The following ADAMTSL1 variants were observed in gnomAD, a reference collection of about 807,000 sequenced individuals.
ADAMTSL1 encodes the protein ADAMTS like 1, also known as ADAMTS-like protein 1.
Under a neutral mutation model 201.8 loss-of-function variants are expected in ADAMTSL1, and 126 were observed. That is an observed-to-expected ratio of 0.62 (90% CI 0.54 to 0.72). ADAMTSL1 has a LOEUF of 0.72. Ranked by LOEUF, ADAMTSL1 falls within the 30% of genes least tolerant of loss-of-function variation. The pLI is 0.00. For synonymous variants in ADAMTSL1, 1,121 were observed against 903.4 expected, an observed-to-expected ratio of 1.24 and a Z score of -4.32; for missense variants, 2,679 against 2,277.8, an observed-to-expected ratio of 1.18 and a Z score of -3.59.
chr9:18,875,016 T>C (rs1345286587), intron 23 of ADAMTSL1, among the ~76,000 whole-genome samples: 1 of 152,166 alleles, frequency 6.6e-6, no homozygotes, highest in African/African-American at 2.4e-5. Flanking sequence ...TTCCAGGAAT[T>C]TATCCATCAC....
At chr9:18,482,734 T>G (rs1821791466) in intron 1 of ADAMTSL1, among the ~76,000 whole-genome samples, 1 of 152,220 alleles carries the variant, frequency 6.6e-6, no homozygotes, top group South Asian at 2.1e-4. Flanking sequence ...GAAGTCTGTA[T>G]GAGTATTGTT....
At chr9:18,485,330 T>C (rs1587347059) in intron 1 of ADAMTSL1, among the ~76,000 whole-genome samples, 1 of 152,232 alleles carries the variant, frequency 6.6e-6, no homozygotes, top group Admixed American at 6.5e-5. Flanking sequence ...TTTAGCCTTA[T>C]GGAAAGCTAA....
chr9:18,549,964 A>G (rs1473418274), intron 3 of ADAMTSL1, among the ~76,000 whole-genome samples: 1 of 151,978 alleles, frequency 6.6e-6, no homozygotes, highest in Non-Finnish European at 1.5e-5. Flanking sequence ...ATGCACATTA[A>G]AGGCTGAGAA....
rs374540856 is a variant in ADAMTSL1 at position 18,775,918 on chromosome 9, G to A, written c.2551+22G>A. 7.0e-6 allele frequency: 11 copies of A among 1,574,836 alleles called. No homozygotes were observed. The African/African-American group carries it at 1.4e-4, about 19-fold the overall frequency. On this transcript the variant is annotated intron_variant, in intron 18 of 28. Transcript: ENST00000380548. ...GCAAGTAAGTATGTCAGGGCTCTGG[G>A]AATGGGGAGATGAAACCCACACAGC...
intron 23 of ADAMTSL1, among the ~76,000 whole-genome samples, chr9:18,855,257 G>C (rs1193425982): frequency 6.6e-6 from 1 of 152,202 alleles, no homozygotes; most frequent in Non-Finnish European, 1.5e-5. Context: ...GAACACACTG[G>C]TATAGTTGGA....
chr9:18,887,767 C>A, intron 23 of ADAMTSL1, 64 bp from the exon 24 acceptor site: 1 of 1,419,200 alleles, frequency 7.0e-7, no homozygotes, highest in South Asian at 1.2e-5. Flanking sequence ...GACAGTAAAC[C>A]AGTGCACCAG....
chr9:18,350,122 G>A (rs920491533), intron 2 of ADAMTSL1, among the ~76,000 whole-genome samples: 19 of 151,878 alleles, frequency 1.3e-4, no homozygotes, highest in African/African-American at 4.6e-4. Flanking sequence ...GTGGCAAATG[G>A]CCCAGCACAC....
intron 2 of ADAMTSL1, among the ~76,000 whole-genome samples, chr9:18,339,092 A>C (rs1310354189): frequency 6.6e-6 from 1 of 151,772 alleles, no homozygotes; most frequent in African/African-American, 2.4e-5. Flanking sequence ...ATACTCATGC[A>C]CGTGTCTTTA....
chr9:17,914,204 C>A (rs915008306), intron 1 of ADAMTSL1, among the ~76,000 whole-genome samples: 1 of 152,074 alleles, frequency 6.6e-6, no homozygotes. Flanking sequence ...CAAAGCCTGG[C>A]GGAGACACAA....
At position 18,387,359 on chromosome 9, in the gene ADAMTSL1, C is replaced by G. The variant is rs1158603002; in HGVS notation, c.208-117470C>G. On this transcript the variant is annotated intron_variant, in intron 2 of 29. Coordinates refer to the ADAMTSL1 transcript ENST00000680146. ...CATGGGATGGAATCCTCCTATACAG[C>G]CTTGCTATATTTCATCCCCTTCCTT... Among the ~76,000 whole-genome samples, 4 of 151,580 alleles carry G rather than the reference C, an allele frequency of 2.6e-5. No individual in the cohort carries two copies. The South Asian group carries it at 6.3e-4, about 24-fold the overall frequency.
At chr9:18,316,372 A>G (rs1834394715) in intron 2 of ADAMTSL1, among the ~76,000 whole-genome samples, 1 of 152,044 alleles carries the variant, frequency 6.6e-6, no homozygotes, top group East Asian at 1.9e-4. Context: ...GCTATGGGAG[A>G]CTGGGGTCCA....
intron 1 of ADAMTSL1, among the ~76,000 whole-genome samples, chr9:18,134,843 T>C (rs190748083): frequency 6.0e-4 from 91 of 152,226 alleles, no homozygotes; most frequent in Admixed American, 2.6e-3. Context: ...GCACAGACAA[T>C]AAGGACATCA....
intron 1 of ADAMTSL1, among the ~76,000 whole-genome samples, chr9:18,053,005 T>C (rs1358773055): frequency 6.6e-6 from 1 of 152,300 alleles, no homozygotes; most frequent in East Asian, 1.9e-4. Context: ...ATCTTTAAAG[T>C]AAACTTGAGG....
At chr9:18,455,507 C>T (rs1313395694) in intron 2 of ADAMTSL1, among the ~76,000 whole-genome samples, 1 of 151,826 alleles carries the variant, frequency 6.6e-6, no homozygotes, top group African/African-American at 2.4e-5. Context: ...TTAAACCTAA[C>T]GTTAAACTCC....
At chr9:18,848,327 C>A (rs952229560) in intron 23 of ADAMTSL1, among the ~76,000 whole-genome samples, 3 of 152,202 alleles carry the variant, frequency 2.0e-5, no homozygotes, top group Non-Finnish European at 4.4e-5. Flanking sequence ...AGTTACTTCT[C>A]CGTCTTCTAC....
intron 1 of ADAMTSL1, among the ~76,000 whole-genome samples, chr9:18,149,642 A>C (rs960614490): frequency 6.6e-6 from 1 of 152,058 alleles, no homozygotes; most frequent in Admixed American, 6.6e-5. Flanking sequence ...TCAAAATCTG[A>C]GAAACACTGC....
chr9:18,215,230 A>G (rs1830018504), intron 2 of ADAMTSL1, among the ~76,000 whole-genome samples: 1 of 152,210 alleles, frequency 6.6e-6, no homozygotes, highest in South Asian at 2.1e-4. Flanking sequence ...TAATTTTGAC[A>G]GTTCCAGTAG....
At chr9:18,051,526 A>T (rs934729690) in intron 1 of ADAMTSL1, among the ~76,000 whole-genome samples, 2 of 151,820 alleles carry the variant, frequency 1.3e-5, no homozygotes, top group Admixed American at 6.6e-5. Flanking sequence ...AAAAGGAAAG[A>T]TACAGACAAC....
intron 2 of ADAMTSL1, among the ~76,000 whole-genome samples, chr9:18,430,348 G>A (rs1295636709): frequency 6.6e-6 from 1 of 152,116 alleles, no homozygotes; most frequent in Non-Finnish European, 1.5e-5. Context: ...GCTCGCCTGA[G>A]TTCTCCTTCT....
Sources: gnomAD v4.1 joint callset for allele counts (sites outside exome capture counted in the v4.1 genomes callset) on GRCh38, gnomAD v4.1.1 for gene constraint, MANE v1.5 for transcripts, NCBI Gene and HGNC (gene_info 2026-07-23, HGNC 2026-07-21) for gene names.